Variants in HMOX2 observed in about 807,000 individuals in gnomAD.
HMOX2 encodes heme oxygenase (decycling) 2.
HMOX2 carries 30 observed loss-of-function variants against 33.7 expected under a neutral mutation model. The ratio of observed to expected loss-of-function variants is 0.89; its 90% confidence interval spans 0.67 to 1.21. The LOEUF is 1.21. Ranked by LOEUF, HMOX2 falls within the 50% of genes most tolerant of loss-of-function variation. The pLI is 0.00. For synonymous variants in HMOX2, 155 were observed against 155.0 expected, an observed-to-expected ratio of 1.00 and a Z score of 0.00; for missense variants, 403 against 399.1, an observed-to-expected ratio of 1.01 and a Z score of -0.08.
chr16:4,507,738 C>T lies in HMOX2; in HGVS notation c.230C>T (p.Thr77Ile). 1 of 1,614,178 alleles carries T rather than the reference C, an allele frequency of 6.2e-7. No homozygotes were observed. The highest frequency in any genetic ancestry group is 8.5e-7 in the Non-Finnish European group (1 of 1,180,012). The part of the protein sequence containing the change: ...FKLATTALYF[T>I]YSALEEEMER... ...CTGGCCACCACGGCACTTTACTTCA[C>T]ATACTCAGCCCTCGAGGAGGAAATG... is the stretch of plus-strand genomic sequence containing the variant. Residue 77 changes from threonine (T) to isoleucine (I), a missense_variant, in exon 4 of 6, where the codon ACA (threonine) becomes ATA (isoleucine). Coordinates refer to ENST00000570646, the MANE Select transcript of HMOX2 (RefSeq NM_002134.4).
intron 1 of HMOX2, 97 bp from the exon 2 acceptor site, chr16:4,505,387 C>G (rs2058664417): frequency 1.7e-6 from 1 of 600,076 alleles, no homozygotes. Flanking sequence ...GTGGGTGTCA[C>G]CTTGGTTACA....
At chr16:4,501,960 G>C (rs998309278) in intron 1 of HMOX2, among the ~76,000 whole-genome samples, 1 of 152,134 alleles carries the variant, frequency 6.6e-6, no homozygotes, top group African/African-American at 2.4e-5. Flanking sequence ...CTTTCAGCCC[G>C]CCTTGAGAAC....
At chr16:4,498,133 C>G (rs766217414) in intron 1 of HMOX2, among the ~76,000 whole-genome samples, 1 of 140,834 alleles carries the variant, frequency 7.1e-6, no homozygotes, top group South Asian at 2.3e-4. Flanking sequence ...GTGGCACTGT[C>G]GGCTCACTGC....
chr16:4,507,916 G>A lies in HMOX2; in HGVS notation c.408G>A (p.Glu136=), dbSNP rs1295776538. 3 of 1,614,122 alleles carry A rather than the reference G, an allele frequency of 1.9e-6. No individual in the cohort carries two copies. Among genetic ancestry groups the A allele is most frequent in the East Asian group, 2.2e-5 (1 of 44,872 alleles). The change falls in exon 4 of 6, where the codon GAG becomes GAA. Residue 136 remains glutamate, a synonymous_variant. Coordinates refer to ENST00000570646, the MANE Select transcript of HMOX2 (RefSeq NM_002134.4). ...CCAAGGCTGCCCAGAAGTACGTGGA[G>A]CGGATCCACTACATAGGGCAGAACG... ...QCPKAAQKYV[E]RIHYIGQNEP...
chr16:4,485,652 C>T (rs559284007), intron 1 of HMOX2, among the ~76,000 whole-genome samples: 1 of 152,208 alleles, frequency 6.6e-6, no homozygotes, highest in Non-Finnish European at 1.5e-5. Context: ...AAACTTTACC[C>T]ATAAAAAGAG....
chr16:4,510,251 TCTAA>T lies in HMOX2; in HGVS notation c.*497_*500del. On this transcript the variant is annotated 3_prime_UTR_variant, in exon 6 of 6. Coordinates refer to ENST00000570646, the MANE Select transcript of HMOX2 (RefSeq NM_002134.4). ...GCTCATCCCTCTCACCCAGAATCCC[TCTAA>T]CCCCTTGGGTGCGGTTTGCTCAGCC... 6.0e-6 allele frequency: 1 copy of T among 167,260 alleles called. No individual in the cohort carries two copies. Among genetic ancestry groups the T allele is most frequent in the Non-Finnish European group, 1.3e-5 (1 of 77,180 alleles). 10.4% of individuals were successfully genotyped at this position (167,260 alleles called of 1,614,324 possible).
At chr16:4,494,270 A>T (rs898330485) in intron 1 of HMOX2, among the ~76,000 whole-genome samples, 63 of 151,282 alleles carry the variant, frequency 4.2e-4, no homozygotes, top group African/African-American at 1.5e-3. Context: ...GAGCCGAGAT[A>T]GCACCACTGC....
At chr16:4,496,948 C>T (rs1335254024) in intron 1 of HMOX2, among the ~76,000 whole-genome samples, 1 of 151,772 alleles carries the variant, frequency 6.6e-6, no homozygotes. Context: ...CCTTCAGCCT[C>T]GGCCTCCCAA....
At chr16:4,498,731 G>T (rs2058484581) in intron 1 of HMOX2, among the ~76,000 whole-genome samples, 4 of 152,118 alleles carry the variant, frequency 2.6e-5, no homozygotes, top group Non-Finnish European at 5.9e-5. Context: ...GTGAACCGTG[G>T]GATTGAATTC....
chr16:4,499,617 G>A (rs11076835), intron 1 of HMOX2, among the ~76,000 whole-genome samples: 84,552 of 152,042 alleles, frequency 0.56, 26,139 homozygotes, highest in Non-Finnish European at 0.69. Context: ...TAGTTAATAT[G>A]GTTAATATTA....
At chr16:4,490,672 A>C (rs2058282545) in intron 1 of HMOX2, among the ~76,000 whole-genome samples, 1 of 152,220 alleles carries the variant, frequency 6.6e-6, no homozygotes, top group Non-Finnish European at 1.5e-5. Flanking sequence ...ATTTGTGGGC[A>C]GTGCCAAGCT....
chr16:4,482,648 G>A (rs564616402), intron 1 of HMOX2, among the ~76,000 whole-genome samples: 1 of 152,124 alleles, frequency 6.6e-6, no homozygotes, highest in Non-Finnish European at 1.5e-5. Context: ...ATCCCTCCTC[G>A]AGTTTGATTA....
At chr16:4,503,810 A>G (rs1416271651) in intron 1 of HMOX2, among the ~76,000 whole-genome samples, 1 of 152,252 alleles carries the variant, frequency 6.6e-6, no homozygotes, top group East Asian at 1.9e-4. Flanking sequence ...GGGCCTTTTA[A>G]GGACCATTTC....
chr16:4,498,347 T>G (rs1266601960), intron 1 of HMOX2, among the ~76,000 whole-genome samples: 3 of 151,692 alleles, frequency 2.0e-5, no homozygotes, highest in Non-Finnish European at 4.4e-5. Flanking sequence ...ATTACAGACA[T>G]GAGCCACCAC....
At chr16:4,490,746 G>A (rs1018689206) in intron 1 of HMOX2, among the ~76,000 whole-genome samples, 13 of 152,112 alleles carry the variant, frequency 8.5e-5, no homozygotes, top group African/African-American at 2.9e-4. Context: ...CTATATAAGG[G>A]ATATTTGATA....
rs777874155 is a variant in HMOX2 at position 4,509,394 on chromosome 16, G to T, written c.697-18G>T. On this transcript the variant is annotated intron_variant, in intron 4 of 5. Transcript: ENST00000570646. The stretch of plus-strand genomic sequence containing the variant: ...TGGGCAGCCCAAAGATGGCTCAGTC[G>T]ATCCTCTGCTCCTGCAGATATTCAA... The T allele has an allele frequency of 9.3e-6, 15 of 1,610,218 alleles. No individual in the cohort carries two copies. The Admixed American group carries it at 2.4e-4, about 25-fold the overall frequency.
At chr16:4,500,539 A>C (rs1290490096) in intron 1 of HMOX2, among the ~76,000 whole-genome samples, 1 of 152,136 alleles carries the variant, frequency 6.6e-6, no homozygotes, top group Non-Finnish European at 1.5e-5. Flanking sequence ...GAGCTCAGCA[A>C]CCTGCTCTCT....
chr16:4,480,780 G>A (rs1349878339), intron 1 of HMOX2, among the ~76,000 whole-genome samples: 2 of 149,996 alleles, frequency 1.3e-5, no homozygotes, highest in African/African-American at 2.5e-5. Flanking sequence ...AGCCTCTGGA[G>A]AAGCTGGGAT....
chr16:4,493,190 C>T (rs925197718), intron 1 of HMOX2, among the ~76,000 whole-genome samples: 2 of 151,992 alleles, frequency 1.3e-5, no homozygotes, highest in Non-Finnish European at 2.9e-5. Context: ...CATGCCACTC[C>T]CTCCACCCCC....
Sources: gnomAD v4.1 joint callset for allele counts (sites outside exome capture counted in the v4.1 genomes callset) on GRCh38, gnomAD v4.1.1 for gene constraint, MANE v1.5 for transcripts, NCBI Gene and HGNC (gene_info 2026-07-23, HGNC 2026-07-21) for gene names.